Variants in AFAP1 observed in about 807,000 individuals in gnomAD.
AFAP1 encodes actin filament associated protein 1.
AFAP1 carries 75 observed loss-of-function variants against 93.9 expected under a neutral mutation model. That is an observed-to-expected ratio of 0.80 (90% confidence interval 0.66 to 0.97). The LOEUF (loss-of-function observed/expected upper bound fraction) is 0.97. Ranked by LOEUF, AFAP1 falls within the 50% of genes least tolerant of loss-of-function variation. The probability of loss-of-function intolerance (pLI) is 0.00; values close to 1 mark genes in which losing one functional copy is unlikely to be tolerated. For synonymous variants in AFAP1, 517 were observed against 430.7 expected, an observed-to-expected ratio of 1.20 and a Z score of -2.48; for missense variants, 1,201 against 1,050.8, an observed-to-expected ratio of 1.14 and a Z score of -1.98.
intron 4 of AFAP1, among the ~76,000 whole-genome samples, chr4:7,848,370 G>C (rs1487931083): frequency 1.3e-5 from 2 of 152,158 alleles, no homozygotes; most frequent in Non-Finnish European, 2.9e-5. Flanking sequence ...GCGTGGCTCA[G>C]TCCGAGTCCA....
intron 6 of AFAP1, among the ~76,000 whole-genome samples, chr4:7,822,468 T>C (rs996801514): frequency 2.0e-5 from 3 of 152,162 alleles, no homozygotes; most frequent in African/African-American, 7.2e-5. Flanking sequence ...GCACCTGACA[T>C]GCTCTTCATT....
intron 7 of AFAP1, among the ~76,000 whole-genome samples, chr4:7,817,095 A>G (rs1225655614): frequency 1.3e-5 from 2 of 152,178 alleles, no homozygotes; most frequent in Non-Finnish European, 2.9e-5. Flanking sequence ...TGGATGAGGA[A>G]CTTGGATGCA....
At chr4:7,880,266 G>C (rs1432392044) in intron 1 of AFAP1, among the ~76,000 whole-genome samples, 1 of 146,784 alleles carries the variant, frequency 6.8e-6, no homozygotes, top group African/African-American at 2.5e-5. Context: ...AGGGACCCTG[G>C]AACCCAAATG....
chr4:7,778,709 C>G, intron 14 of AFAP1, 53 bp downstream of exon 14: 1 of 1,562,564 alleles, frequency 6.4e-7, no homozygotes. Flanking sequence ...ACAGGCCCAG[C>G]TCCACCAAGT....
intron 1 of AFAP1, among the ~76,000 whole-genome samples, chr4:7,876,603 C>G (rs2149191381): frequency 6.6e-6 from 1 of 152,334 alleles, no homozygotes; most frequent in Admixed American, 6.5e-5. Flanking sequence ...CAGAGGCAGG[C>G]AGCCCCGCAA....
At chr4:7,922,262 C>T (rs1720479928) in intron 1 of AFAP1, among the ~76,000 whole-genome samples, 1 of 152,114 alleles carries the variant, frequency 6.6e-6, no homozygotes, top group South Asian at 2.1e-4. Flanking sequence ...TTCAATGTAA[C>T]TATGAAAAAA....
chr4:7,818,999 ATTG>A (rs1720723517), intron 7 of AFAP1, 74 bp downstream of exon 7: 4 of 1,298,364 alleles, frequency 3.1e-6, no homozygotes, highest in South Asian at 3.3e-5. Flanking sequence ...ATTCTCAGAG[ATTG>A]TTATCAAACT....
intron 3 of AFAP1, among the ~76,000 whole-genome samples, chr4:7,865,698 G>A (rs1716317078): frequency 1.3e-5 from 2 of 152,202 alleles, no homozygotes; most frequent in Admixed American, 6.5e-5. Context: ...AGAAAATGCT[G>A]ACTAGTCATG....
At chr4:7,847,566 T>G (rs1401818890) in intron 4 of AFAP1, among the ~76,000 whole-genome samples, 1 of 152,224 alleles carries the variant, frequency 6.6e-6, no homozygotes, top group Admixed American at 6.5e-5. Flanking sequence ...GGATATCACT[T>G]GGTAGCTCCA....
At chr4:7,921,634 T>C (rs1262002337) in intron 1 of AFAP1, among the ~76,000 whole-genome samples, 1 of 152,194 alleles carries the variant, frequency 6.6e-6, no homozygotes, top group East Asian at 1.9e-4. Flanking sequence ...CCCATCAACA[T>C]TTAAAATGCG....
intron 8 of AFAP1, among the ~76,000 whole-genome samples, chr4:7,810,004 G>C (rs931645089): frequency 1.3e-5 from 2 of 152,148 alleles, no homozygotes; most frequent in African/African-American, 4.8e-5. Context: ...GACCACAGGT[G>C]CGTGTCACTA....
chr4:7,938,715 G>A (rs1040886301), intron 1 of AFAP1, among the ~76,000 whole-genome samples: 2 of 151,922 alleles, frequency 1.3e-5, no homozygotes, highest in Non-Finnish European at 2.9e-5. Flanking sequence ...GAGCTACAAA[G>A]TTCAATCTGG....
intron 3 of AFAP1, among the ~76,000 whole-genome samples, chr4:7,861,512 C>A (rs796242755): frequency 1.3e-5 from 2 of 152,248 alleles, no homozygotes; most frequent in African/African-American, 4.8e-5. Flanking sequence ...CTGCATTCCA[C>A]ACAGCGCTTG....
intron 1 of AFAP1, among the ~76,000 whole-genome samples, chr4:7,916,726 A>G (rs1389806149): frequency 1.3e-5 from 2 of 152,164 alleles, no homozygotes; most frequent in African/African-American, 4.8e-5. Flanking sequence ...GCATCTCTGA[A>G]AAGTGTACAT....
intron 5 of AFAP1, among the ~76,000 whole-genome samples, chr4:7,840,211 ATAGT>A (rs1344224948): frequency 9.9e-5 from 15 of 152,036 alleles, no homozygotes; most frequent in African/African-American, 3.4e-4. Flanking sequence ...GAATGAATAG[ATAGT>A]TATTTTCAGA....
In AFAP1 at chr4:7,939,225, C is replaced by A; in HGVS notation, c.-3+431G>T. On this transcript the variant is annotated intron_variant, in intron 1 of 17. Transcript: ENST00000420658. The surrounding 1 kb of genome is among the most constrained non-coding windows in gnomAD (Gnocchi z 5.6). ...ACGGACCCCCTCGTCCGAGGGTCCGCGCAGTCCCCTCGGTAAGTCGGACGA... is the reference window on the plus strand; with the variant it reads ...ACGGACCCCCTCGTCCGAGGGTCCGAGCAGTCCCCTCGGTAAGTCGGACGA... 1 of 254,592 alleles carries A rather than the reference C, an allele frequency of 3.9e-6. No homozygotes were observed. The highest frequency in any genetic ancestry group is 5.5e-5 in the Admixed American group (1 of 18,048). The allele number at this position is 254,592 out of a possible 1,614,324, so 15.8% of individuals were successfully genotyped here. A position where few individuals can be genotyped will look rare whatever the true frequency, so the allele number is the denominator to read the frequency against.
At chr4:7,906,051 A>G (rs1719383364) in intron 1 of AFAP1, among the ~76,000 whole-genome samples, 1 of 152,206 alleles carries the variant, frequency 6.6e-6, no homozygotes, top group African/African-American at 2.4e-5. Context: ...CAATGCTCCA[A>G]AATGAATAGA....
chr4:7,840,376 C>G (rs1486618397), intron 5 of AFAP1, among the ~76,000 whole-genome samples: 4 of 150,626 alleles, frequency 2.7e-5, no homozygotes, highest in African/African-American at 9.8e-5. Flanking sequence ...TTCAGTGGCA[C>G]GATCTTGGCT....
At chr4:7,794,106 GA>G (rs1718158464) in intron 10 of AFAP1, among the ~76,000 whole-genome samples, 1 of 152,156 alleles carries the variant, frequency 6.6e-6, no homozygotes, top group African/African-American at 2.4e-5. Context: ...TGTAAGACAG[GA>G]AAATTAACAG....
Sources: allele counts gnomAD v4.1 joint callset (sites outside exome capture counted in the v4.1 genomes callset), GRCh38; gene constraint gnomAD v4.1.1; non-coding constraint Gnocchi (gnomAD v3.1); transcripts MANE v1.5; gene names NCBI Gene and HGNC (gene_info 2026-07-23, HGNC 2026-07-21).